PIP4K2C: variants seen among roughly 807,000 people sequenced by gnomAD.
PIP4K2C encodes phosphatidylinositol 5-phosphate 4-kinase type-2 gamma.
In PIP4K2C, 21 loss-of-function variants were observed where a neutral mutation model predicts 45.0. That is an observed-to-expected ratio of 0.47 (90% CI 0.33 to 0.67). The LOEUF is 0.67. PIP4K2C is among the 30% of genes least tolerant of loss of function. PIP4K2C has a pLI of 0.02. For synonymous variants in PIP4K2C, 201 were observed against 204.8 expected (o/e 0.98, Z 0.16); for missense variants, 456 against 542.8 (o/e 0.84, Z 1.59).
intron 2 of PIP4K2C, 110 bp from the exon 3 acceptor site, chr12:57,595,016 G>T: frequency 1.4e-6 from 1 of 699,286 alleles, no homozygotes; most frequent in Non-Finnish European, 2.5e-6. Flanking sequence ...GACCTCACAG[G>T]GTTTTATGAG....
At position 57,600,427 on chromosome 12, in the gene PIP4K2C, G is replaced by A. The variant is rs760050696; in HGVS notation, c.803G>A (p.Arg268Lys). Residue 268 changes from arginine (R) to lysine (K), a missense_variant, in exon 7 of 10, where the codon AGA becomes AAA. By Grantham distance (26) the Arg-to-Lys change is conservative. Transcript: ENST00000354947. The stretch of plus-strand genomic sequence containing the variant: ...AAAATATTTCTGGAGAAGCTGAAGA[G>A]AGATGTGGAGGTGATGATTGGGTGC... ...EKKIFLEKLK[R>K]DVEFLVQLKI... 6.3e-7 allele frequency: 1 copy of A among 1,598,060 alleles called. No individual in the cohort carries two copies. The highest frequency in any genetic ancestry group is 8.6e-7 in the Non-Finnish European group (1 of 1,165,738).
chr12:57,601,667 TGTG>T lies in PIP4K2C; in HGVS notation c.*63_*65del, dbSNP rs1012530480. On this transcript the variant is annotated 3_prime_UTR_variant, in exon 10 of 10. Coordinates refer to ENST00000354947, the MANE Select transcript of PIP4K2C (RefSeq NM_024779.5). ...GGGGTTCTGAGACACTTGGGGGAATTGTGGGGATATTCTAGCCACCAGTTCTCT... is the reference window on the plus strand; with the variant it reads ...GGGGTTCTGAGACACTTGGGGGAATTGGGATATTCTAGCCACCAGTTCTCT... The T allele has an allele frequency of 1.1e-5, 15 of 1,410,728 alleles. No individual in the cohort carries two copies. In the African/African-American group the frequency reaches 2.1e-4, roughly 20 times the overall value. The allele number at this position is 1,410,728 out of a possible 1,614,324, so 87.4% of individuals were successfully genotyped here.
intron 7 of PIP4K2C, 67 bp downstream of exon 7, chr12:57,600,504 C>A: frequency 9.1e-7 from 1 of 1,103,266 alleles, no homozygotes; most frequent in Non-Finnish European, 1.4e-6. Context: ...TTGTCTCTTT[C>A]ATTCACGGTA....
Position 57,601,711 on chromosome 12 carries a change from T to A in PIP4K2C, c.*105T>A. 1 of 1,030,338 alleles carries A rather than the reference T, an allele frequency of 9.7e-7. No homozygotes were observed. Among genetic ancestry groups the A allele is most frequent in the East Asian group, 2.4e-5 (1 of 42,134 alleles). 63.8% of individuals were successfully genotyped at this position (1,030,338 alleles called of 1,614,324 possible). Reference sequence around the variant, plus strand: ...CCAGTTCTCTTCTTCCTTTGCTAAATTCAGGCTGCAGGCTCCTTCCATCCA... The same window carrying A: ...CCAGTTCTCTTCTTCCTTTGCTAAAATCAGGCTGCAGGCTCCTTCCATCCA... On this transcript the variant is annotated 3_prime_UTR_variant, in exon 10 of 10. Coordinates refer to ENST00000354947, the MANE Select transcript of PIP4K2C (RefSeq NM_024779.5).
chr12:57,593,987 T>G lies in PIP4K2C; in HGVS notation c.175-38T>G, dbSNP rs575418254. 1.4e-5 allele frequency: 22 copies of G among 1,552,296 alleles called. No homozygotes were observed. The East Asian group carries it at 4.7e-4, about 33-fold the overall frequency. On this transcript the variant is annotated intron_variant, in intron 1 of 9. Coordinates refer to ENST00000354947, the MANE Select transcript of PIP4K2C (RefSeq NM_024779.5). ...AGTGTATGGGTAGCTCTCCACACCC[T>G]TCTTCATGGCTTCCCTATTCATGGT...
intron 5 of PIP4K2C, 74 bp from the exon 6 acceptor site, chr12:57,599,326 A>G: frequency 1.2e-6 from 2 of 1,606,936 alleles, no homozygotes; most frequent in South Asian, 2.2e-5. Context: ...GGGTTTGAGT[A>G]CTCATCTTAG....
chr12:57,599,359 T>G lies in PIP4K2C; in HGVS notation c.661-41T>G, dbSNP rs745807668. ...TAGGGGCTGGGTTCTGACTGTTCTT[T>G]TAGCCACTTCTACTGACTTGGTGTT... On this transcript the variant is annotated intron_variant, in intron 5 of 9. Transcript: ENST00000354947. The G allele has an allele frequency of 3.1e-6, 5 of 1,613,762 alleles. No homozygotes were observed. In the East Asian group the frequency reaches 6.7e-5, roughly 22 times the overall value.
chr12:57,597,270 G>A (rs1399592761), intron 4 of PIP4K2C, among the ~76,000 whole-genome samples: 1 of 152,200 alleles, frequency 6.6e-6, no homozygotes, highest in African/African-American at 2.4e-5. Flanking sequence ...TAATAGTCCA[G>A]GGTAGAAACA....
rs777772746 is a variant in PIP4K2C at position 57,600,849 on chromosome 12, G to A, written c.852G>A (p.Leu284=). The change falls in exon 8 of 10, where the codon CTG becomes CTA. Residue 284 remains leucine, a synonymous_variant. Coordinates refer to ENST00000354947, the MANE Select transcript of PIP4K2C (RefSeq NM_024779.5). The stretch of plus-strand genomic sequence containing the variant: ...TGAAGATCATGGACTACAGCCTTCT[G>A]CTAGGCATCCACGACATCATTCGGG... ...VQLKIMDYSL[L]LGIHDIIRGS... The A allele has an allele frequency of 6.2e-7, 1 of 1,614,208 alleles. No homozygotes were observed. Among genetic ancestry groups the A allele is most frequent in the South Asian group, 1.1e-5 (1 of 91,082 alleles).
intron 3 of PIP4K2C, 85 bp from the exon 4 acceptor site, chr12:57,595,803 C>A: frequency 6.8e-7 from 1 of 1,461,226 alleles, no homozygotes. Flanking sequence ...AGGGATTCAT[C>A]CACTTTCAGC....
chr12:57,600,800 G>A lies in PIP4K2C; in HGVS notation c.814-11G>A. The A allele has an allele frequency of 1.9e-6, 3 of 1,613,810 alleles. No homozygotes were observed. The highest frequency in any genetic ancestry group is 2.5e-6 in the Non-Finnish European group (3 of 1,179,804). On this transcript the variant is annotated splice_polypyrimidine_tract_variant and intron_variant, in intron 7 of 9. Transcript: ENST00000354947. ...TGAGAGAGAGGTGTCTGATTTGTCA[G>A]TGGGTCTCAGTTTCTAGTGCAGCTG... is the stretch of plus-strand genomic sequence containing the variant.
At chr12:57,600,002 C>T (rs1181202977) in intron 6 of PIP4K2C, among the ~76,000 whole-genome samples, 1 of 151,182 alleles carries the variant, frequency 6.6e-6, no homozygotes, top group East Asian at 1.9e-4. Flanking sequence ...TGAGATCACA[C>T]CACTTACATT....
intron 4 of PIP4K2C, among the ~76,000 whole-genome samples, chr12:57,596,627 A>G (rs1466845483): frequency 6.6e-6 from 1 of 152,228 alleles, no homozygotes; most frequent in Non-Finnish European, 1.5e-5. Flanking sequence ...AATACATCAG[A>G]GTCCAAAAGG....
chr12:57,596,428 T>C (rs1003088110), intron 4 of PIP4K2C, among the ~76,000 whole-genome samples: 1 of 148,506 alleles, frequency 6.7e-6, no homozygotes, highest in African/African-American at 2.5e-5. Flanking sequence ...GAGGTTGTAG[T>C]GAGCCGAGAT....
chr12:57,592,273 A>G (rs1367999746), intron 1 of PIP4K2C, among the ~76,000 whole-genome samples: 2 of 152,116 alleles, frequency 1.3e-5, no homozygotes, highest in Admixed American at 6.5e-5. Flanking sequence ...TTTCCTGAGG[A>G]TACCTCAGCT....
In PIP4K2C at chr12:57,601,796, C is replaced by T; in HGVS notation, c.*190C>T. 1 of 597,748 alleles carries T rather than the reference C, an allele frequency of 1.7e-6. No homozygotes were observed. 37.0% of individuals were successfully genotyped at this position (597,748 alleles called of 1,614,324 possible). The stretch of plus-strand genomic sequence containing the variant: ...CCCTCAGAAATACATTGTCCTTTTT[C>T]CTCTTTGCCCATTTTTCTTCCCTCT... On this transcript the variant is annotated 3_prime_UTR_variant, in exon 10 of 10. Transcript: ENST00000354947.
At chr12:57,596,914 G>T (rs1001709852) in intron 4 of PIP4K2C, among the ~76,000 whole-genome samples, 2 of 152,226 alleles carry the variant, frequency 1.3e-5, no homozygotes, top group Non-Finnish European at 2.9e-5. Flanking sequence ...TGTAAGAGTT[G>T]ATCCTTGAAG....
Position 57,601,309 on chromosome 12 carries a change from G to A in PIP4K2C, c.1146G>A (p.Lys382=). 1 of 1,613,996 alleles carries A rather than the reference G, an allele frequency of 6.2e-7. No homozygotes were observed. The highest frequency in any genetic ancestry group is 8.5e-7 in the Non-Finnish European group (1 of 1,179,894). ...ATATCCTTACACAGTATGATGCTAA[G>A]AAGAAAGCAGCTCATGCAGCCAAAA... The part of the protein sequence containing the change: ...LIDILTQYDA[K]KKAAHAAKTV... Residue 382 remains lysine, a synonymous_variant, in exon 9 of 10, where the codon AAG becomes AAA. Transcript: ENST00000354947.
chr12:57,598,400 A>G (rs1224417304), intron 4 of PIP4K2C, among the ~76,000 whole-genome samples: 2 of 151,766 alleles, frequency 1.3e-5, no homozygotes, highest in African/African-American at 4.8e-5. Context: ...GTGCGCCTGT[A>G]CTCCCAGCTA....
Sources: gnomAD v4.1 joint callset for allele counts (sites outside exome capture counted in the v4.1 genomes callset) on GRCh38, gnomAD v4.1.1 for gene constraint, MANE v1.5 for transcripts, NCBI Gene and HGNC (gene_info 2026-07-23, HGNC 2026-07-21) for gene names.